Variants in CCSER1 observed in about 807,000 individuals in gnomAD.
The protein encoded by CCSER1 is serine-rich coiled-coil domain-containing protein 1.
Under a neutral mutation model 82.0 loss-of-function variants are expected in CCSER1, and 41 were observed. The ratio of observed to expected loss-of-function variants is 0.50; its 90% CI spans 0.39 to 0.65. The LOEUF (loss-of-function observed/expected upper bound fraction) is 0.65, where lower values mean the gene tolerates loss of function less well. CCSER1 is among the 30% of genes least tolerant of loss of function. The pLI, the probability that CCSER1 is intolerant of heterozygous loss-of-function variation, is 0.00. For missense variants in CCSER1, 1,119 were observed against 1,064.2 expected (o/e 1.05, Z -0.72); for synonymous variants, 414 against 383.9 (o/e 1.08, Z -0.92).
intron 5 of CCSER1, among the ~76,000 whole-genome samples, chr4:90,575,037 A>G (rs1780585866): frequency 1.3e-5 from 2 of 152,038 alleles, no homozygotes; most frequent in Non-Finnish European, 2.9e-5. Context: ...TTGTCTCTTT[A>G]TACACCACTC....
chr4:91,141,618 A>AT (rs1033299765), intron 10 of CCSER1, among the ~76,000 whole-genome samples: 82 of 151,680 alleles, frequency 5.4e-4, no homozygotes, highest in Non-Finnish European at 4.0e-4. Context: ...TGGTAGAACA[A>AT]TTTTTTTTTC....
chr4:90,931,342 G>A (rs1031507487), intron 9 of CCSER1, among the ~76,000 whole-genome samples: 2 of 151,732 alleles, frequency 1.3e-5, no homozygotes, highest in Non-Finnish European at 2.9e-5. Context: ...TGTTTAAAAT[G>A]CTTATTTGAA....
At chr4:90,359,420 G>A (rs4693236) in intron 3 of CCSER1, among the ~76,000 whole-genome samples, 89,044 of 151,822 alleles carry the variant, frequency 0.59, 26,939 homozygotes, top group African/African-American at 0.74. Flanking sequence ...TATAACCTCT[G>A]GAGCATGGCT....
intron 3 of CCSER1, among the ~76,000 whole-genome samples, chr4:90,363,969 G>A (rs1170795986): frequency 1.3e-5 from 2 of 151,950 alleles, no homozygotes; most frequent in African/African-American, 4.8e-5. Flanking sequence ...TGCCTTTTTA[G>A]CTTTTGAAAA....
intron 3 of CCSER1, among the ~76,000 whole-genome samples, chr4:90,328,216 A>G (rs1351566536): frequency 6.6e-6 from 1 of 152,210 alleles, no homozygotes; most frequent in African/African-American, 2.4e-5. Flanking sequence ...TAGAAATATA[A>G]TGAGGGCCTA....
intron 9 of CCSER1, among the ~76,000 whole-genome samples, chr4:90,984,337 T>G (rs1183562161): frequency 6.6e-6 from 1 of 151,748 alleles, no homozygotes; most frequent in Non-Finnish European, 1.5e-5. Flanking sequence ...ATAGAGAACT[T>G]GGATTGGCTT....
intron 10 of CCSER1, among the ~76,000 whole-genome samples, chr4:91,438,906 T>A (rs1186918354): frequency 1.3e-5 from 2 of 151,704 alleles, no homozygotes; most frequent in Non-Finnish European, 2.9e-5. Flanking sequence ...ATGAACGAAA[T>A]GAAGCAAGAA....
intron 10 of CCSER1, among the ~76,000 whole-genome samples, chr4:91,227,159 T>G (rs141945724): frequency 1.2e-4 from 18 of 152,046 alleles, no homozygotes; most frequent in African/African-American, 4.1e-4. Flanking sequence ...CTTCCTACAA[T>G]TTAATTTTAG....
At chr4:90,918,538 G>A (rs1297721184) in intron 8 of CCSER1, among the ~76,000 whole-genome samples, 1 of 151,300 alleles carries the variant, frequency 6.6e-6, no homozygotes, top group African/African-American at 2.4e-5. Flanking sequence ...CCTCTTCAGT[G>A]CTTCCTCAGC....
chr4:91,409,082 A>G (rs570687869), intron 10 of CCSER1, among the ~76,000 whole-genome samples: 318 of 152,302 alleles, frequency 2.1e-3, no homozygotes, highest in African/African-American at 7.2e-3. Context: ...TGTTATTCAC[A>G]TGGCATCCTC....
intron 10 of CCSER1, among the ~76,000 whole-genome samples, chr4:91,587,965 C>T (rs910897475): frequency 2.7e-5 from 4 of 149,628 alleles, no homozygotes; most frequent in Admixed American, 1.3e-4. Context: ...TTTATATTTT[C>T]AGTGAGCAAG....
chr4:90,357,227 T>A (rs1744533986), intron 3 of CCSER1, among the ~76,000 whole-genome samples: 1 of 151,974 alleles, frequency 6.6e-6, no homozygotes, highest in Admixed American at 6.6e-5. Context: ...TATGCATGTT[T>A]ATCATAGTTC....
intron 1 of CCSER1, among the ~76,000 whole-genome samples, chr4:90,200,993 A>G (rs1235821863): frequency 1.3e-5 from 2 of 152,142 alleles, no homozygotes; most frequent in Non-Finnish European, 2.9e-5. Flanking sequence ...GATATCCCAA[A>G]GAGACACTCC....
intron 5 of CCSER1, among the ~76,000 whole-genome samples, chr4:90,511,343 G>A (rs1161339206): frequency 2.0e-5 from 3 of 152,214 alleles, no homozygotes; most frequent in East Asian, 1.9e-4. Context: ...GTGTGAACCC[G>A]GGAGGTGGAG....
At chr4:90,580,229 T>C (rs2148630334) in intron 5 of CCSER1, among the ~76,000 whole-genome samples, 1 of 152,268 alleles carries the variant, frequency 6.6e-6, no homozygotes, top group African/African-American at 2.4e-5. Flanking sequence ...ATTAACAAAT[T>C]ATTTCCAAAG....
chr4:91,332,956 C>T (rs574185768), intron 10 of CCSER1, among the ~76,000 whole-genome samples: 1 of 152,150 alleles, frequency 6.6e-6, no homozygotes, highest in South Asian at 2.1e-4. Flanking sequence ...AATTCACTGT[C>T]TCACATGCAA....
At chr4:90,438,653 A>G (rs1479998074) in intron 4 of CCSER1, among the ~76,000 whole-genome samples, 1 of 152,220 alleles carries the variant, frequency 6.6e-6, no homozygotes, top group Non-Finnish European at 1.5e-5. Context: ...TAAAAAATGT[A>G]GATACATACA....
intron 8 of CCSER1, among the ~76,000 whole-genome samples, chr4:90,844,712 C>T (rs1001434071): frequency 1.7e-4 from 26 of 152,148 alleles, no homozygotes; most frequent in African/African-American, 6.0e-4. Flanking sequence ...ATAGCATTTT[C>T]ATACCTTCTA....
chr4:90,614,897 T>C (rs937994300), intron 5 of CCSER1, among the ~76,000 whole-genome samples: 1 of 152,126 alleles, frequency 6.6e-6, no homozygotes, highest in Non-Finnish European at 1.5e-5. Flanking sequence ...ATCTGGGACT[T>C]TCATAGCTAG....
Sources: gnomAD v4.1 joint callset for allele counts (sites outside exome capture counted in the v4.1 genomes callset) on GRCh38, gnomAD v4.1.1 for gene constraint, MANE v1.5 for transcripts, NCBI Gene and HGNC (gene_info 2026-07-23, HGNC 2026-07-21) for gene names.